Variants in ZNF644 observed in about 807,000 individuals in gnomAD.
ZNF644 encodes the protein zinc finger protein 644, also known as zinc finger motif enhancer binding protein 2.
Under a neutral mutation model 108.0 loss-of-function variants are expected in ZNF644, and 20 were observed. The ratio of observed to expected loss-of-function variants is 0.19; its 90% CI spans 0.13 to 0.27. The LOEUF is 0.27. Among genes scored for constraint, ZNF644 ranks in the 10% least tolerant of loss-of-function variants. ZNF644 has a pLI of 1.00. For missense variants in ZNF644, 1,338 were observed against 1,548.9 expected, an observed-to-expected ratio of 0.86 and a Z score of 2.29; for synonymous variants, 542 against 539.1, an observed-to-expected ratio of 1.01 and a Z score of -0.08.
rs574150348 is a variant in ZNF644, at chr1:90,916,223, A to T, written c.*575T>A. 6.6e-6 allele frequency: 1 copy of T among 152,636 alleles called. No individual in the cohort carries two copies. The highest frequency in any genetic ancestry group is 1.5e-5 in the Non-Finnish European group (1 of 68,060). 9.5% of individuals were successfully genotyped at this position (152,636 alleles called of 1,614,324 possible). On this transcript the variant is annotated 3_prime_UTR_variant, in exon 6 of 6. Transcript: ENST00000337393. Reference sequence around the variant, plus strand: ...ATCTCCCTCCACTTTTTAGTATAAAAAAAACCGTTCCATGTGATTTTAAAA... The same window carrying T: ...ATCTCCCTCCACTTTTTAGTATAAATAAAACCGTTCCATGTGATTTTAAAA...
In ZNF644 at chr1:91,012,937, T is replaced by A. The variant is rs577111495; in HGVS notation, c.-18+9053A>T. 1.5e-4 allele frequency among the ~76,000 whole-genome samples: 23 copies of A among 152,376 alleles called. No individual in the cohort carries two copies. In the South Asian group the frequency reaches 4.8e-3, roughly 32 times the overall value. On this transcript the variant is annotated intron_variant, in intron 1 of 5. Transcript: ENST00000337393. Reference sequence around the variant, plus strand: ...TCTTTATCAATCTCCATCATATTGTTAATCACAGAACATCAATATTCCCTA... The same window carrying A: ...TCTTTATCAATCTCCATCATATTGTAAATCACAGAACATCAATATTCCCTA...
chr1:90,947,182 T>C (rs554021270), intron 2 of ZNF644, among the ~76,000 whole-genome samples: 24 of 152,304 alleles, frequency 1.6e-4, no homozygotes, highest in African/African-American at 5.5e-4. Context: ...AAGAAGGCAA[T>C]AAATTACAGC....
chr1:90,954,335 C>T (rs972590671), intron 2 of ZNF644, among the ~76,000 whole-genome samples: 6 of 152,158 alleles, frequency 3.9e-5, no homozygotes, highest in African/African-American at 9.7e-5. Flanking sequence ...CCACTTTCTT[C>T]GCTAGAGAAG....
intron 1 of ZNF644, among the ~76,000 whole-genome samples, chr1:90,995,007 T>G (rs1370317473): frequency 6.6e-6 from 1 of 152,084 alleles, no homozygotes; most frequent in Non-Finnish European, 1.5e-5. Flanking sequence ...ACTGAATCAT[T>G]CATTAAAACA....
At chr1:90,944,417 AT>A (rs1652315606) in intron 2 of ZNF644, among the ~76,000 whole-genome samples, 2 of 152,320 alleles carry the variant, frequency 1.3e-5, no homozygotes, top group Admixed American at 1.3e-4. Flanking sequence ...GCAAAAAAAA[AT>A]CCGATTAAAT....
intron 2 of ZNF644, among the ~76,000 whole-genome samples, chr1:90,956,170 G>T (rs1453933330): frequency 2.0e-5 from 3 of 152,170 alleles, no homozygotes; most frequent in African/African-American, 7.2e-5. Flanking sequence ...GGCATGGTTT[G>T]TGGTGCCCTA....
intron 2 of ZNF644, among the ~76,000 whole-genome samples, chr1:90,947,949 C>T (rs78887953): frequency 2.1e-3 from 314 of 152,122 alleles, no homozygotes; most frequent in African/African-American, 7.3e-3. Context: ...TCTACACCAT[C>T]GCAAAATTGA....
chr1:90,978,957 A>G (rs1469119565), intron 2 of ZNF644, among the ~76,000 whole-genome samples: 1 of 152,238 alleles, frequency 6.6e-6, no homozygotes, highest in Non-Finnish European at 1.5e-5. Flanking sequence ...GTGTTCAAAC[A>G]TTATGGCAGA....
chr1:90,996,075 T>C (rs1397516427), intron 1 of ZNF644, among the ~76,000 whole-genome samples: 2 of 152,154 alleles, frequency 1.3e-5, no homozygotes, highest in Admixed American at 6.5e-5. Flanking sequence ...TTATAAAACC[T>C]GGCAATACAT....
At chr1:90,930,281 C>T (rs147780461) in intron 4 of ZNF644, among the ~76,000 whole-genome samples, 233 of 152,176 alleles carry the variant, frequency 1.5e-3, no homozygotes, top group Non-Finnish European at 2.8e-3. Flanking sequence ...AGTGAAACTC[C>T]GTCTCACACA....
chr1:90,999,428 T>A (rs774602057), intron 1 of ZNF644, among the ~76,000 whole-genome samples: 2 of 152,176 alleles, frequency 1.3e-5, no homozygotes, highest in African/African-American at 4.8e-5. Context: ...CAGAATTTCA[T>A]AGCCAGCCAA....
At chr1:90,928,605 G>A (rs767897999) in intron 4 of ZNF644, among the ~76,000 whole-genome samples, 3 of 151,858 alleles carry the variant, frequency 2.0e-5, no homozygotes, top group Non-Finnish European at 4.4e-5. Flanking sequence ...TTACAAGTGT[G>A]AGCCACCACG....
intron 1 of ZNF644, among the ~76,000 whole-genome samples, chr1:90,986,740 C>T (rs542521825): frequency 8.6e-5 from 13 of 151,784 alleles, no homozygotes; most frequent in African/African-American, 3.1e-4. Flanking sequence ...GAATTAACTC[C>T]GAAAGTTCAG....
intron 2 of ZNF644, among the ~76,000 whole-genome samples, chr1:90,960,431 T>TA (rs1046963120): frequency 4.5e-4 from 68 of 152,204 alleles, no homozygotes; most frequent in Non-Finnish European, 3.7e-4. Flanking sequence ...CTGACAGCAA[T>TA]AAGGTTTGGT....
At position 90,966,096 on chromosome 1, in the gene ZNF644, G is replaced by A. The variant is rs575960564; in HGVS notation, c.44+16214C>T. Among the ~76,000 whole-genome samples the A allele has an allele frequency of 5.9e-5, 9 of 152,056 alleles. 1 individual carries two copies. Among genetic ancestry groups the A allele is most frequent in the South Asian group, 2.1e-4 (1 of 4,824 alleles). On this transcript the variant is annotated intron_variant, in intron 2 of 5. Coordinates refer to ENST00000337393, the MANE Select transcript of ZNF644 (RefSeq NM_201269.3). ...ACTCATATTGGCCTTACTATTTCTC[G>A]ACTATGCTCTGGTTATTTTGCACTT...
At chr1:90,958,840 A>G (rs537749616) in intron 2 of ZNF644, among the ~76,000 whole-genome samples, 5 of 152,324 alleles carry the variant, frequency 3.3e-5, no homozygotes, top group African/African-American at 1.2e-4. Context: ...AACAATCTGA[A>G]TATAAAAGCT....
intron 4 of ZNF644, among the ~76,000 whole-genome samples, chr1:90,935,876 G>T (rs920566287): frequency 2.0e-5 from 3 of 152,100 alleles, no homozygotes; most frequent in Non-Finnish European, 4.4e-5. Flanking sequence ...CGGTTCTGTT[G>T]AGAAGTTTCA....
chr1:90,940,526 T>C lies in ZNF644; in HGVS notation c.828A>G (p.Val276=). 6.2e-7 allele frequency: 1 copy of C among 1,613,992 alleles called. No individual in the cohort carries two copies. Among genetic ancestry groups the C allele is most frequent in the Non-Finnish European group, 8.5e-7 (1 of 1,179,942 alleles). The change falls in exon 3 of 6, where the codon GTA becomes GTG. Residue 276 remains valine, a synonymous_variant. Coordinates refer to ENST00000337393, the MANE Select transcript of ZNF644 (RefSeq NM_201269.3). ...IQFLMTNEET[V]DKAPPHSKIG... ...TTTTAGAATGAGGTGGAGCTTTATC[T>C]ACTGTTTCCTCATTAGTCATAAGAA...
At chr1:90,920,399 G>A (rs951882302) in intron 4 of ZNF644, among the ~76,000 whole-genome samples, 1 of 152,012 alleles carries the variant, frequency 6.6e-6, no homozygotes, top group African/African-American at 2.4e-5. Flanking sequence ...TGAGGAAGAA[G>A]GGCAGGAGGA....
Sources: gnomAD v4.1 joint callset for allele counts (sites outside exome capture counted in the v4.1 genomes callset) on GRCh38, gnomAD v4.1.1 for gene constraint, MANE v1.5 for transcripts, NCBI Gene and HGNC (gene_info 2026-07-23, HGNC 2026-07-21) for gene names.